Variants in KIAA1958 observed in about 807,000 individuals in gnomAD.
KIAA1958 encodes the protein uncharacterized protein KIAA1958.
In KIAA1958, 14 loss-of-function variants were observed where a neutral mutation model predicts 47.2. The ratio of observed to expected loss-of-function variants is 0.30; its 90% CI spans 0.20 to 0.46. The LOEUF is 0.46. Among genes scored for constraint, KIAA1958 ranks in the 20% least tolerant of loss-of-function variants. The probability of loss-of-function intolerance (pLI) is 1.00; values close to 1 mark genes in which losing one functional copy is unlikely to be tolerated. For synonymous variants in KIAA1958, 354 were observed against 353.3 expected (o/e 1.00, Z -0.02); for missense variants, 803 against 909.2 (o/e 0.88, Z 1.50).
At chr9:112,614,183 A>G (rs750544658) in intron 2 of KIAA1958, among the ~76,000 whole-genome samples, 4 of 152,206 alleles carry the variant, frequency 2.6e-5, no homozygotes, top group African/African-American at 9.7e-5. Context: ...CTAAGAGTCC[A>G]TTCATATGTG....
intron 2 of KIAA1958, among the ~76,000 whole-genome samples, chr9:112,613,978 A>G (rs569470124): frequency 6.6e-6 from 1 of 152,356 alleles, no homozygotes; most frequent in African/African-American, 2.4e-5. Context: ...TGGCAGTTTT[A>G]TTGGAAATAG....
At chr9:112,510,989 G>C (rs1300989461) in intron 1 of KIAA1958, among the ~76,000 whole-genome samples, 2 of 152,002 alleles carry the variant, frequency 1.3e-5, no homozygotes, top group Non-Finnish European at 2.9e-5. Flanking sequence ...TTTACAGATA[G>C]AACAGAGTGA....
intron 3 of KIAA1958, among the ~76,000 whole-genome samples, chr9:112,651,418 A>G (rs1194242925): frequency 2.0e-5 from 3 of 147,992 alleles, no homozygotes; most frequent in East Asian, 2.0e-4. Context: ...TTTCGGAGAC[A>G]GAGTCTCACT....
chr9:112,508,626 G>T (rs552897169), intron 1 of KIAA1958, among the ~76,000 whole-genome samples: 1 of 152,292 alleles, frequency 6.6e-6, no homozygotes, highest in Non-Finnish European at 1.5e-5. Context: ...GATTGCATTT[G>T]CTCCCTGCAT....
chr9:112,653,057 A>G (rs747330659), intron 3 of KIAA1958, among the ~76,000 whole-genome samples: 4 of 152,248 alleles, frequency 2.6e-5, no homozygotes, highest in South Asian at 2.1e-4. Context: ...ACTAGGTAAG[A>G]GAATGTACAA....
chr9:112,657,572 T>G (rs767121725), intron 3 of KIAA1958, among the ~76,000 whole-genome samples: 2 of 152,164 alleles, frequency 1.3e-5, no homozygotes, highest in African/African-American at 2.4e-5. Flanking sequence ...GGTTAATTTT[T>G]AATCTATAGT....
intron 1 of KIAA1958, among the ~76,000 whole-genome samples, chr9:112,560,508 A>G (rs1342744074): frequency 2.6e-5 from 4 of 152,108 alleles, no homozygotes; most frequent in Non-Finnish European, 5.9e-5. Context: ...TTGATATAGT[A>G]TCAGTATCAA....
At chr9:112,647,632 A>G (rs1269726362) in intron 3 of KIAA1958, among the ~76,000 whole-genome samples, 1 of 152,260 alleles carries the variant, frequency 6.6e-6, no homozygotes, top group Non-Finnish European at 1.5e-5. Flanking sequence ...ACAGTAATCT[A>G]GCAGATTTAA....
chr9:112,506,092 G>GT (rs1834230849), intron 1 of KIAA1958, among the ~76,000 whole-genome samples: 1 of 152,114 alleles, frequency 6.6e-6, no homozygotes, highest in African/African-American at 2.4e-5. Flanking sequence ...GAACTATAGG[G>GT]TAAAGCTTTT....
intron 1 of KIAA1958, among the ~76,000 whole-genome samples, chr9:112,534,362 C>T (rs1304230144): frequency 6.6e-6 from 1 of 152,050 alleles, no homozygotes; most frequent in Non-Finnish European, 1.5e-5. Flanking sequence ...TATTATTGCA[C>T]GTTTTAGTAT....
chr9:112,576,988 A>G (rs957699491), intron 2 of KIAA1958, among the ~76,000 whole-genome samples: 4 of 152,216 alleles, frequency 2.6e-5, no homozygotes, highest in Non-Finnish European at 5.9e-5. Flanking sequence ...TTACTGCTCC[A>G]CATTGTCACC....
At chr9:112,624,463 G>C (rs1263592641) in intron 2 of KIAA1958, among the ~76,000 whole-genome samples, 1 of 152,174 alleles carries the variant, frequency 6.6e-6, no homozygotes, top group East Asian at 1.9e-4. Flanking sequence ...CCATCAAATA[G>C]AACTGGAATA....
Position 112,629,792 on chromosome 9 carries a change from T to C in KIAA1958, c.1172-15858T>C, listed in dbSNP as rs568754382. ...GTTTGTTGGTACAGCCTAAAACTTA[T>C]GGAAATAAGAAAAGCAATCCAATAA... On this transcript the variant is annotated intron_variant, in intron 2 of 3. Transcript: ENST00000337530. 2.4e-4 allele frequency among the ~76,000 whole-genome samples: 36 copies of C among 152,322 alleles called. No individual in the cohort carries two copies. The South Asian group carries it at 6.4e-3, about 27-fold the overall frequency.
At chr9:112,659,195 T>G in intron 3 of KIAA1958, 68 bp from the exon 4 acceptor site, 1 of 1,326,804 alleles carries the variant, frequency 7.5e-7, no homozygotes, top group Non-Finnish European at 1.1e-6. Context: ...CTGGTGAGGA[T>G]TAGAAGGAAG....
chr9:112,568,459 A>G (rs891969599), intron 1 of KIAA1958, among the ~76,000 whole-genome samples: 9 of 152,238 alleles, frequency 5.9e-5, no homozygotes, highest in African/African-American at 1.9e-4. Context: ...CATTGTGGTA[A>G]TGTACCTTTT....
intron 2 of KIAA1958, among the ~76,000 whole-genome samples, chr9:112,642,191 A>G (rs1424678264): frequency 6.6e-6 from 1 of 152,200 alleles, no homozygotes; most frequent in Non-Finnish European, 1.5e-5. Context: ...TCTGCAGGCC[A>G]TGGCTGAGCA....
intron 2 of KIAA1958, chr9:112,581,812 C>T (rs933856624): frequency 4.3e-6 from 1 of 231,010 alleles, no homozygotes; most frequent in Non-Finnish European, 9.4e-6. Flanking sequence ...AGAGAATGTG[C>T]AGCCACCCAA....
At chr9:112,503,615 T>C (rs1587991408) in intron 1 of KIAA1958, among the ~76,000 whole-genome samples, 2 of 16,268 alleles carry the variant, frequency 1.2e-4, no homozygotes, top group Non-Finnish European at 2.3e-4. Flanking sequence ...AGACCCTGTC[T>C]CAAAAAAAAA....
At chr9:112,601,940 A>G (rs1390646592) in intron 2 of KIAA1958, among the ~76,000 whole-genome samples, 1 of 152,230 alleles carries the variant, frequency 6.6e-6, no homozygotes, top group African/African-American at 2.4e-5. Flanking sequence ...CTGAACATGT[A>G]TGTAAGAAAT....
Sources: allele counts gnomAD v4.1 joint callset (sites outside exome capture counted in the v4.1 genomes callset), GRCh38; gene constraint gnomAD v4.1.1; transcripts MANE v1.5; gene names NCBI Gene and HGNC (gene_info 2026-07-23, HGNC 2026-07-21).